The following ZNF469 variants were observed in gnomAD, a reference collection of about 807,000 sequenced individuals.
ZNF469 encodes the protein zinc finger protein 469.
Under a neutral mutation model 1.0 loss-of-function variants are expected in ZNF469, and 1 was observed. That is an observed-to-expected ratio of 1.00 (90% confidence interval 0.35 to 4.73). ZNF469 has a LOEUF of 4.73. ZNF469 is among the 30% of genes most tolerant of loss of function. The pLI, the probability that ZNF469 is intolerant of heterozygous loss-of-function variation, is 0.16. For synonymous variants in ZNF469, 2,703 were observed against 2,363.4 expected (o/e 1.14, Z -4.17); for missense variants, 6,100 against 5,356.3 (o/e 1.14, Z -4.33).
the ZNF469 span, among the ~76,000 whole-genome samples, chr16:88,248,137 C>G: frequency 6.6e-6 from 1 of 151,928 alleles, no homozygotes; most frequent in Non-Finnish European, 1.5e-5. Context: ...GGCTTGTGAA[C>G]CAACCAGTGG....
the ZNF469 span, among the ~76,000 whole-genome samples, chr16:88,122,062 C>T: frequency 4.7e-5 from 7 of 148,928 alleles, 1 homozygote; most frequent in Middle Eastern, 0.011. Flanking sequence ...CCACTCTGAT[C>T]GCACCCTGTC....
At chr16:88,208,803 A>ACACACACACACACACTCT in the ZNF469 span, among the ~76,000 whole-genome samples, 65 of 123,648 alleles carry the variant, frequency 5.3e-4, no homozygotes, top group African/African-American at 1.8e-3. Flanking sequence ...ACACACACAC[A>ACACACACACACACACTCT]CTCTCTCTCT....
At chr16:88,412,012 A>T (rs1905181578) in intron 1 of ZNF469, among the ~76,000 whole-genome samples, 1 of 536 alleles carries the variant, frequency 1.9e-3, no homozygotes, top group Non-Finnish European at 3.5e-3. Flanking sequence ...GGGTCCCAAG[A>T]CCCTGTTGGT....
intron 1 of ZNF469, among the ~76,000 whole-genome samples, chr16:88,414,808 A>G (rs1905262932): frequency 6.6e-6 from 1 of 152,246 alleles, no homozygotes; most frequent in Admixed American, 6.5e-5. Flanking sequence ...AGGTCCACGC[A>G]GGACAGCCCC....
the ZNF469 span, among the ~76,000 whole-genome samples, chr16:88,131,578 TTA>T: frequency 6.6e-6 from 1 of 152,376 alleles, no homozygotes; most frequent in South Asian, 2.1e-4. Flanking sequence ...AGAGAAGGTC[TTA>T]TGTTTCCCCA....
chr16:88,115,993 G>A, the ZNF469 span, among the ~76,000 whole-genome samples: 1 of 152,240 alleles, frequency 6.6e-6, no homozygotes, highest in Non-Finnish European at 1.5e-5. Context: ...CCCATCTCAG[G>A]TGAAAAGTGT....
rs1474530481 is a variant in ZNF469, at chr16:88,424,475, G to A, written c.-191-332G>A. On this transcript the variant is annotated intron_variant, in intron 1 of 2. Transcript: ENST00000565624. This position sits in a 1 kb window ranked among gnomAD's most constrained non-coding sequence, Gnocchi z 4.3. ...AGGGGCAGCGTTCTCACTGCAACTC[G>A]TAATAATCTGGAGCTTCGGAGCTGC... Among the ~76,000 whole-genome samples, 1 of 152,162 alleles carries A rather than the reference G, an allele frequency of 6.6e-6. No homozygotes were observed. Among genetic ancestry groups the A allele is most frequent in the East Asian group, 1.9e-4 (1 of 5,194 alleles).
the ZNF469 span, among the ~76,000 whole-genome samples, chr16:88,128,614 C>G: frequency 2.0e-5 from 3 of 152,242 alleles, no homozygotes; most frequent in Non-Finnish European, 4.4e-5. Flanking sequence ...AAGAGACCCC[C>G]TCCCGCAGAG....
intron 1 of ZNF469, among the ~76,000 whole-genome samples, chr16:88,395,589 G>T (rs1904636841): frequency 6.6e-6 from 1 of 152,096 alleles, no homozygotes; most frequent in African/African-American, 2.4e-5. Flanking sequence ...GACCTGCCCA[G>T]GTTCGTTGGT....
chr16:88,356,118 A>T, the ZNF469 span, among the ~76,000 whole-genome samples: 77,709 of 151,980 alleles, frequency 0.51, 20,589 homozygotes, highest in Non-Finnish European at 0.57. Context: ...CCACTTCAGA[A>T]CTATGTGTGT....
At chr16:88,353,776 C>T in the ZNF469 span, among the ~76,000 whole-genome samples, 2 of 152,160 alleles carry the variant, frequency 1.3e-5, no homozygotes, top group Non-Finnish European at 2.9e-5. Flanking sequence ...CCCAGGATGA[C>T]GGAGGCAGAG....
chr16:88,302,907 A>T, the ZNF469 span, among the ~76,000 whole-genome samples: 1 of 152,266 alleles, frequency 6.6e-6, no homozygotes, highest in East Asian at 1.9e-4. Flanking sequence ...CGAAAAGGGG[A>T]GGCTTGGCAA....
At chr16:88,306,709 C>T in the ZNF469 span, among the ~76,000 whole-genome samples, 1 of 152,192 alleles carries the variant, frequency 6.6e-6, no homozygotes, top group Admixed American at 6.5e-5. Flanking sequence ...AGGACCCTGA[C>T]CAGCACCAGG....
the ZNF469 span, among the ~76,000 whole-genome samples, chr16:88,131,156 CA>C: frequency 6.6e-6 from 1 of 152,242 alleles, no homozygotes; most frequent in Admixed American, 6.5e-5. Context: ...ATTTTCAAAA[CA>C]AACGTGCGGC....
intron 1 of ZNF469, among the ~76,000 whole-genome samples, chr16:88,400,581 A>C (rs1904825129): frequency 6.6e-6 from 1 of 152,162 alleles, no homozygotes; most frequent in South Asian, 2.1e-4. Flanking sequence ...CAACTGCTCC[A>C]CATCAGTCCC....
upstream of ZNF469, among the ~76,000 whole-genome samples, chr16:88,378,306 T>C (rs151249075): frequency 2.3e-3 from 349 of 152,298 alleles, 1 homozygote; most frequent in Admixed American, 7.1e-3. Flanking sequence ...CAGACCCAAA[T>C]TGAGGGTCTA....
chr16:88,219,319 T>C, the ZNF469 span, among the ~76,000 whole-genome samples: 1 of 144,160 alleles, frequency 6.9e-6, no homozygotes, highest in Non-Finnish European at 1.5e-5. Flanking sequence ...AAGTCAATCC[T>C]AAGCCAAAAG....
the ZNF469 span, among the ~76,000 whole-genome samples, chr16:88,133,011 C>T: frequency 6.6e-6 from 1 of 152,190 alleles, no homozygotes; most frequent in African/African-American, 2.4e-5. Context: ...GGGAGAGATG[C>T]CAGGAGACCC....
rs1244444488 is a variant in ZNF469, at chr16:88,438,474, C to T, written c.11004C>T (p.Gly3668=). The T allele has an allele frequency of 6.5e-7, 1 of 1,550,006 alleles. No homozygotes were observed. Among genetic ancestry groups the T allele is most frequent in the African/African-American group, 1.4e-5 (1 of 73,062 alleles). Residue 3668 remains glycine (G), a synonymous_variant, in exon 3 of 3, where the codon GGC becomes GGT. Transcript: ENST00000565624. ...GGCCCCGAGGCGCCTTCCACAAGGGCAGCGCCACCAAGCCTGCGGGCTGCC... is the reference window on the plus strand; with the variant it reads ...GGCCCCGAGGCGCCTTCCACAAGGGTAGCGCCACCAAGCCTGCGGGCTGCC... ...EGGPRGAFHK[G]SATKPAGCQS... is the part of the protein sequence containing the mutation.
Sources: allele counts gnomAD v4.1 joint callset (sites outside exome capture counted in the v4.1 genomes callset), GRCh38; gene constraint gnomAD v4.1.1; non-coding constraint Gnocchi (gnomAD v3.1); transcripts MANE v1.5; gene names NCBI Gene and HGNC (gene_info 2026-07-23, HGNC 2026-07-21).